The following CADM2 variants were observed in gnomAD, a reference collection of about 807,000 sequenced individuals.
The protein encoded by CADM2 is cell adhesion molecule 2.
In CADM2, 12 loss-of-function variants were observed where a neutral mutation model predicts 49.8. That is an observed-to-expected ratio of 0.24 (90% confidence interval 0.15 to 0.39). The LOEUF (loss-of-function observed/expected upper bound fraction) is 0.39, where lower values mean the gene tolerates loss of function less well. CADM2 is among the 10% of genes least tolerant of loss of function. The pLI, the probability that CADM2 is intolerant of heterozygous loss-of-function variation, is 1.00. For synonymous variants in CADM2, 214 were observed against 175.4 expected, an observed-to-expected ratio of 1.22 and a Z score of -1.74; for missense variants, 378 against 492.3, an observed-to-expected ratio of 0.77 and a Z score of 2.20.
intron 1 of CADM2, among the ~76,000 whole-genome samples, chr3:85,031,578 G>C (rs1471718304): frequency 1.3e-5 from 2 of 152,042 alleles, no homozygotes; most frequent in African/African-American, 2.4e-5. Context: ...GCAGTGGCGC[G>C]ATCTCGGCTC....
chr3:85,955,361 A>G (rs932380020), intron 7 of CADM2, among the ~76,000 whole-genome samples: 4 of 151,496 alleles, frequency 2.6e-5, no homozygotes, highest in East Asian at 2.0e-4. Flanking sequence ...CAAATTTTGC[A>G]TAGTGTTTAA....
chr3:85,732,547 T>G (rs1577186198), intron 2 of CADM2, among the ~76,000 whole-genome samples: 1 of 151,414 alleles, frequency 6.6e-6, no homozygotes, highest in Middle Eastern at 3.2e-3. Context: ...ACCTCACTTC[T>G]CTAAGAAAAT....
intron 1 of CADM2, among the ~76,000 whole-genome samples, chr3:85,522,173 C>T (rs983250525): frequency 6.6e-6 from 1 of 152,104 alleles, no homozygotes; most frequent in Non-Finnish European, 1.5e-5. Context: ...AGGCAGTATA[C>T]ATCACGATAT....
At chr3:85,550,494 T>C (rs1013281409) in intron 1 of CADM2, among the ~76,000 whole-genome samples, 8 of 152,214 alleles carry the variant, frequency 5.3e-5, no homozygotes, top group Non-Finnish European at 1.2e-4. Flanking sequence ...CTGGGACCCC[T>C]GCTGTGTTTC....
chr3:84,963,557 G>GT (rs1017508826), intron 1 of CADM2, among the ~76,000 whole-genome samples: 31 of 152,132 alleles, frequency 2.0e-4, no homozygotes, highest in Middle Eastern at 3.4e-3. Flanking sequence ...GGGGCTTTAG[G>GT]TTTTTTTGTT....
intron 1 of CADM2, among the ~76,000 whole-genome samples, chr3:85,637,916 A>G (rs903126016): frequency 6.6e-6 from 1 of 152,334 alleles, no homozygotes; most frequent in East Asian, 1.9e-4. Context: ...AATATAATTA[A>G]GTCTAATCAA....
intron 1 of CADM2, among the ~76,000 whole-genome samples, chr3:85,334,853 T>C (rs943813525): frequency 2.0e-5 from 3 of 151,434 alleles, no homozygotes; most frequent in Non-Finnish European, 4.4e-5. Flanking sequence ...TCAATCATTA[T>C]GTAGTTTTTA....
chr3:85,066,427 G>T (rs1025842794), intron 1 of CADM2, among the ~76,000 whole-genome samples: 1 of 151,440 alleles, frequency 6.6e-6, no homozygotes, highest in Non-Finnish European at 1.5e-5. Flanking sequence ...AGTCATATTC[G>T]GGAACTATTG....
intron 3 of CADM2, among the ~76,000 whole-genome samples, chr3:85,844,268 C>T (rs1157980499): frequency 1.3e-5 from 2 of 151,958 alleles, no homozygotes; most frequent in African/African-American, 2.4e-5. Flanking sequence ...ACAGGTTGGG[C>T]TCGATGGACT....
intron 1 of CADM2, among the ~76,000 whole-genome samples, chr3:85,090,302 T>C (rs912123002): frequency 2.6e-5 from 4 of 152,096 alleles, no homozygotes; most frequent in Admixed American, 2.6e-4. Context: ...TTCATACCCG[T>C]TTCTCAATTT....
At chr3:85,463,576 A>G (rs778858971) in intron 1 of CADM2, among the ~76,000 whole-genome samples, 11 of 152,178 alleles carry the variant, frequency 7.2e-5, no homozygotes, top group Non-Finnish European at 1.6e-4. Context: ...AACTATTTAT[A>G]TATATTCAAA....
At chr3:85,506,801 G>A (rs1013875345) in intron 1 of CADM2, among the ~76,000 whole-genome samples, 1 of 151,944 alleles carries the variant, frequency 6.6e-6, no homozygotes, top group Non-Finnish European at 1.5e-5. Context: ...TACTGGCATG[G>A]TAATTTCAAT....
chr3:85,028,946 CCGA>C (rs2034855523), intron 1 of CADM2, among the ~76,000 whole-genome samples: 4 of 13,342 alleles, frequency 3.0e-4, no homozygotes, highest in Admixed American at 2.2e-3. Flanking sequence ...TACTGTTTTA[CCGA>C]AATAAAACAG....
chr3:86,037,783 A>G (rs1164672213), intron 8 of CADM2, among the ~76,000 whole-genome samples: 3 of 152,162 alleles, frequency 2.0e-5, no homozygotes, highest in Non-Finnish European at 4.4e-5. Context: ...CTATTAGAAA[A>G]TATTAACTTA....
chr3:85,308,560 A>C (rs2044270802), intron 1 of CADM2, among the ~76,000 whole-genome samples: 1 of 152,028 alleles, frequency 6.6e-6, no homozygotes, highest in Non-Finnish European at 1.5e-5. Context: ...TCATCGTTAA[A>C]TTCTACAGAG....
At chr3:85,510,420 A>C (rs2040562099) in intron 1 of CADM2, among the ~76,000 whole-genome samples, 1 of 152,056 alleles carries the variant, frequency 6.6e-6, no homozygotes, top group Non-Finnish European at 1.5e-5. Flanking sequence ...ATTATGTAAA[A>C]TGAATTACAT....
At chr3:85,338,920 A>T (rs1322159894) in intron 1 of CADM2, among the ~76,000 whole-genome samples, 2 of 151,482 alleles carry the variant, frequency 1.3e-5, no homozygotes, top group Non-Finnish European at 3.0e-5. Context: ...GCAAAAGTGG[A>T]TGTTTAAGTT....
chr3:85,653,980 T>C (rs887138569), intron 1 of CADM2, among the ~76,000 whole-genome samples: 4 of 152,210 alleles, frequency 2.6e-5, no homozygotes, highest in African/African-American at 9.7e-5. Flanking sequence ...AAACATAAAA[T>C]ACGGACTGTG....
intron 1 of CADM2, among the ~76,000 whole-genome samples, chr3:85,328,168 T>A (rs1016886700): frequency 6.6e-6 from 1 of 152,204 alleles, no homozygotes; most frequent in Non-Finnish European, 1.5e-5. Flanking sequence ...GTTAAGCTTT[T>A]GAAACCCTTA....
Sources: gnomAD v4.1 joint callset for allele counts (sites outside exome capture counted in the v4.1 genomes callset) on GRCh38, gnomAD v4.1.1 for gene constraint, MANE v1.5 for transcripts, NCBI Gene and HGNC (gene_info 2026-07-23, HGNC 2026-07-21) for gene names.